The following GINM1 variants were observed in gnomAD, a reference collection of about 807,000 sequenced individuals.
GINM1 encodes the protein glycoprotein integral membrane protein 1.
A neutral mutation model predicts 37.8 loss-of-function variants in GINM1; 29 were observed. That is an observed-to-expected ratio of 0.77 (90% CI 0.57 to 1.05). The LOEUF (loss-of-function observed/expected upper bound fraction) is 1.05, where lower values mean the gene tolerates loss of function less well. Ranked by LOEUF, GINM1 falls within the 50% of genes least tolerant of loss-of-function variation. The pLI, the probability that GINM1 is intolerant of heterozygous loss-of-function variation, is 0.00. For missense variants in GINM1, 377 were observed against 397.9 expected (o/e 0.95, Z 0.45); for synonymous variants, 143 against 146.2 (o/e 0.98, Z 0.16).
chr6:149,589,695 A>C (rs1778124428), intron 7 of GINM1, among the ~76,000 whole-genome samples: 1 of 152,232 alleles, frequency 6.6e-6, no homozygotes, highest in African/African-American at 2.4e-5. Flanking sequence ...TTACCTTATT[A>C]TAAACTAAAT....
In GINM1 at chr6:149,572,555, T is replaced by C. The variant is rs201490463; in HGVS notation, c.229T>C (p.Leu77=). 3.2e-5 allele frequency: 51 copies of C among 1,608,166 alleles called. No individual in the cohort carries two copies. In the African/African-American group the frequency reaches 6.7e-4, roughly 21 times the overall value. Residue 77 remains leucine, a synonymous_variant, in exon 3 of 8, where the codon TTA becomes CTA. Transcript: ENST00000367419. ...GAGTGGACAGGTGTATGTAAATGAC[T>C]TACCTGTAAATAGTGGTGTAACCCG... is the stretch of plus-strand genomic sequence containing the variant. ...YESGQVYVND[L]PVNSGVTRIS...
rs1777956172 is a variant in GINM1, at chr6:149,578,855, AAG to A, written c.313_314del (p.Glu105IlefsTer13). 6.3e-7 allele frequency: 1 copy of A among 1,588,678 alleles called. No individual in the cohort carries two copies. Among genetic ancestry groups the A allele is most frequent in the Non-Finnish European group, 8.6e-7 (1 of 1,165,040 alleles). On this transcript the variant is annotated frameshift_variant, in exon 4 of 8. Coordinates refer to ENST00000367419, the MANE Select transcript of GINM1 (RefSeq NM_138785.5). LOFTEE classifies it high-confidence loss of function. The stretch of plus-strand genomic sequence containing the variant: ...GAAAATCTTGAAAATTTGGAGGAAA[AAG>A]AATATTTTGGAATTGTCAGTGTAAG...
At chr6:149,569,089 A>G (rs1482292047) in intron 1 of GINM1, among the ~76,000 whole-genome samples, 2 of 152,096 alleles carry the variant, frequency 1.3e-5, no homozygotes. Context: ...GTGCACTGGC[A>G]TGATCTCGGC....
intron 7 of GINM1, among the ~76,000 whole-genome samples, chr6:149,588,193 C>T (rs1281381241): frequency 6.6e-6 from 1 of 152,170 alleles, no homozygotes; most frequent in East Asian, 1.9e-4. Flanking sequence ...CTCCTTACAA[C>T]CTGATGATAA....
chr6:149,582,370 A>T, intron 6 of GINM1, 70 bp from the exon 7 acceptor site: 2 of 1,323,612 alleles, frequency 1.5e-6, no homozygotes, highest in Non-Finnish European at 2.1e-6. Flanking sequence ...AAGCTAAAAC[A>T]TTAAAAAATT....
intron 3 of GINM1, among the ~76,000 whole-genome samples, chr6:149,575,449 T>C (rs771402901): frequency 4.8e-4 from 73 of 152,268 alleles, no homozygotes; most frequent in Non-Finnish European, 8.2e-4. Context: ...GCCAGACACT[T>C]TGTCGAGCTT....
intron 7 of GINM1, 124 bp from the exon 8 acceptor site, chr6:149,590,603 G>A: frequency 1.8e-6 from 1 of 570,480 alleles, no homozygotes; most frequent in Non-Finnish European, 3.1e-6. Flanking sequence ...TTTTTAAATA[G>A]AATGTAGCAA....
At chr6:149,569,542 T>G (rs1349996692) in intron 1 of GINM1, among the ~76,000 whole-genome samples, 2 of 151,322 alleles carry the variant, frequency 1.3e-5, no homozygotes, top group African/African-American at 4.9e-5. Flanking sequence ...TTTCACCATG[T>G]TGGCTAGCTG....
At chr6:149,576,106 T>C (rs1777910402) in intron 3 of GINM1, 1 of 152,190 alleles carries the variant, frequency 6.6e-6, no homozygotes, top group Non-Finnish European at 1.5e-5. Context: ...GAATCTGAGC[T>C]TGGCTTAGCA....
At position 149,579,939 on chromosome 6, in the gene GINM1, A is replaced by AT; in HGVS notation, c.538dup (p.Ser180PhefsTer5). 1 of 1,610,872 alleles carries AT rather than the reference A, an allele frequency of 6.2e-7. No homozygotes were observed. Among genetic ancestry groups the AT allele is most frequent in the Non-Finnish European group, 8.5e-7 (1 of 1,177,646 alleles). On this transcript the variant is annotated frameshift_variant, in exon 5 of 8. Transcript: ENST00000367419. LOFTEE classifies it high-confidence loss of function. ...TTTGGAAGAAAGCATGCTCTACTCT[A>AT]TTTCTCGAGACAGTGACATTTTATT...
At chr6:149,587,389 C>T (rs1778085420) in intron 7 of GINM1, among the ~76,000 whole-genome samples, 1 of 152,166 alleles carries the variant, frequency 6.6e-6, no homozygotes, top group Non-Finnish European at 1.5e-5. Context: ...AAGACTGCCC[C>T]CCTTCAGATG....
At chr6:149,577,831 G>A (rs796245277) in intron 3 of GINM1, among the ~76,000 whole-genome samples, 14 of 152,202 alleles carry the variant, frequency 9.2e-5, no homozygotes, top group African/African-American at 3.1e-4. Context: ...TATCTTTTTC[G>A]ATAGCACTTC....
chr6:149,567,092 G>A (rs1350002095), intron 1 of GINM1, among the ~76,000 whole-genome samples: 5 of 152,144 alleles, frequency 3.3e-5, no homozygotes, highest in Admixed American at 2.0e-4. Context: ...AAGTTCTCAC[G>A]GCGGGGCGCG....
chr6:149,588,513 T>G (rs776322349), intron 7 of GINM1, among the ~76,000 whole-genome samples: 2 of 152,248 alleles, frequency 1.3e-5, no homozygotes, highest in Non-Finnish European at 2.9e-5. Context: ...ACAAAAGCTT[T>G]AAATTCAAGG....
At chr6:149,574,595 G>A (rs763631788) in intron 3 of GINM1, among the ~76,000 whole-genome samples, 45 of 152,008 alleles carry the variant, frequency 3.0e-4, no homozygotes, top group Non-Finnish European at 2.8e-4. Context: ...GCTATCAATA[G>A]ATTAGTACTT....
At chr6:149,582,332 C>A in intron 6 of GINM1, 108 bp from the exon 7 acceptor site, 1 of 951,576 alleles carries the variant, frequency 1.1e-6, no homozygotes, top group Non-Finnish European at 1.6e-6. Flanking sequence ...CCAGCACAAT[C>A]AAAATATAGA....
In GINM1 at chr6:149,572,519, A is replaced by G; in HGVS notation, c.193A>G (p.Ile65Val). ...DISKQQVVLN[I>V]TYESGQVYVN... Reference sequence around the variant, plus strand: ...GCTTTATTTTAAGGTTGTTCTTAACATAACCTATGAGAGTGGACAGGTGTA... The same window carrying G: ...GCTTTATTTTAAGGTTGTTCTTAACGTAACCTATGAGAGTGGACAGGTGTA... The change falls in exon 3 of 8, where the codon ATA (isoleucine) becomes GTA (valine). Residue 65 changes from isoleucine (I) to valine (V), a missense_variant. Coordinates refer to ENST00000367419, the MANE Select transcript of GINM1 (RefSeq NM_138785.5). 6.3e-7 allele frequency: 1 copy of G among 1,584,898 alleles called. No homozygotes were observed. The highest frequency in any genetic ancestry group is 8.6e-7 in the Non-Finnish European group (1 of 1,161,278).
chr6:149,570,919 G>A (rs551356654), intron 1 of GINM1, among the ~76,000 whole-genome samples: 3 of 152,300 alleles, frequency 2.0e-5, no homozygotes, highest in African/African-American at 7.2e-5. Context: ...TATAAAGCAT[G>A]TCATCTTCAA....
At chr6:149,576,757 GA>G (rs1777920616) in intron 3 of GINM1, among the ~76,000 whole-genome samples, 2 of 152,200 alleles carry the variant, frequency 1.3e-5, no homozygotes, top group South Asian at 4.1e-4. Flanking sequence ...CCACAGTAAG[GA>G]AGTCAATATG....
Sources: allele counts gnomAD v4.1 joint callset (sites outside exome capture counted in the v4.1 genomes callset), GRCh38; gene constraint gnomAD v4.1.1; transcripts MANE v1.5; gene names NCBI Gene and HGNC (gene_info 2026-07-23, HGNC 2026-07-21).